AKAP8: variants seen among roughly 807,000 people sequenced by gnomAD.
AKAP8 encodes the protein A-kinase anchoring protein 8, also known as A-kinase anchor protein 8.
A neutral mutation model predicts 67.5 loss-of-function variants in AKAP8; 24 were observed. The ratio of observed to expected loss-of-function variants is 0.36; its 90% CI spans 0.26 to 0.50. The LOEUF (loss-of-function observed/expected upper bound fraction) is 0.50, where lower values mean the gene tolerates loss of function less well. Among genes scored for constraint, AKAP8 ranks in the 20% least tolerant of loss-of-function variants. AKAP8 has a pLI of 0.97. For missense variants in AKAP8, 971 were observed against 955.9 expected, an observed-to-expected ratio of 1.02 and a Z score of -0.21; for synonymous variants, 400 against 371.1, an observed-to-expected ratio of 1.08 and a Z score of -0.90.
At position 15,369,278 on chromosome 19, in the gene AKAP8, G is replaced by A. The variant is rs1029038863; in HGVS notation, c.1072+868C>T. On this transcript the variant is annotated intron_variant, in intron 8 of 13. Coordinates refer to ENST00000269701, the MANE Select transcript of AKAP8 (RefSeq NM_005858.4). The surrounding 1 kb of genome is among the most constrained non-coding windows in gnomAD (Gnocchi z 4.6). ...TTTAGCATTGTGCCGCTAAGCGCTC[G>A]GGGCGCCCCGTGCTATGGACAGGAC... 5.1e-6 allele frequency: 5 copies of A among 985,368 alleles called. No homozygotes were observed. Among genetic ancestry groups the A allele is most frequent in the Non-Finnish European group, 6.0e-6 (5 of 829,872 alleles). 61.0% of individuals were successfully genotyped at this position (985,368 alleles called of 1,614,324 possible). A position where few individuals can be genotyped will look rare whatever the true frequency, so the allele number is the denominator to read the frequency against.
At chr19:15,367,253 GGC>G (rs1967085816) in intron 9 of AKAP8, among the ~76,000 whole-genome samples, 1 of 152,162 alleles carries the variant, frequency 6.6e-6, no homozygotes, top group Non-Finnish European at 1.5e-5. Flanking sequence ...GCCCAGACTG[GGC>G]GCAGTGGCTC....
At position 15,358,960 on chromosome 19, in the gene AKAP8, C is replaced by T. The variant is rs376946349; in HGVS notation, c.1623+7G>A. 1.4e-5 allele frequency: 23 copies of T among 1,613,652 alleles called. No homozygotes were observed. In the African/African-American group the frequency reaches 2.3e-4, roughly 16 times the overall value. ...TTTTCCTGTCTGTGGTACTTGCAAG[C>T]ACAAACCTTGAGGTATTTTTCCAGC... On this transcript the variant is annotated splice_region_variant and intron_variant, in intron 13 of 13. Coordinates refer to ENST00000269701, the MANE Select transcript of AKAP8 (RefSeq NM_005858.4).
intron 10 of AKAP8, 105 bp from the exon 11 acceptor site, chr19:15,361,927 G>C: frequency 7.4e-7 from 1 of 1,354,668 alleles, no homozygotes; most frequent in African/African-American, 1.4e-5. Flanking sequence ...AGCTGCGTGG[G>C]GCAGCACAGC....
chr19:15,355,010 T>G lies in AKAP8; in HGVS notation c.1984A>C (p.Ser662Arg), dbSNP rs752498693. ...GCAGGAGCAACTCTGGTTTGGGCAC[T>G]TTCTGCCTCTGCTGCCATTGTCTCG... ...GAETMAAEAESAQTRVAPAPA... is the reference protein window; with the variant it reads ...GAETMAAEAERAQTRVAPAPA... The change falls in exon 14 of 14, where the codon AGT (serine) becomes CGT (arginine). Residue 662 changes from serine (S) to arginine (R), a missense_variant. Ser to Arg is a moderately radical substitution (Grantham distance 110, BLOSUM62 -1). Coordinates refer to ENST00000269701, the MANE Select transcript of AKAP8 (RefSeq NM_005858.4). 1.2e-6 allele frequency: 2 copies of G among 1,614,200 alleles called. No individual in the cohort carries two copies. The highest frequency in any genetic ancestry group is 2.2e-5 in the East Asian group (1 of 44,888).
Position 15,372,277 on chromosome 19 carries a change from T to A in AKAP8, c.932A>T (p.Tyr311Phe). The A allele has an allele frequency of 6.2e-7, 1 of 1,614,188 alleles. No individual in the cohort carries two copies. The highest frequency in any genetic ancestry group is 8.5e-7 in the Non-Finnish European group (1 of 1,180,046). ...GGCCAGTTTGGTGTCTGGCTCCTCGTAAAGTTGGAACTGCTTCCGTTTCCT... is the reference window on the plus strand; with the variant it reads ...GGCCAGTTTGGTGTCTGGCTCCTCGAAAAGTTGGAACTGCTTCCGTTTCCT... ...TGRKRKQFQL[Y>F]EEPDTKLARV... The change falls in exon 6 of 14, where the codon TAC (tyrosine) becomes TTC (phenylalanine). Residue 311 changes from tyrosine (Y) to phenylalanine (F), a missense_variant. Tyr to Phe is a conservative substitution (Grantham distance 22). Coordinates refer to ENST00000269701, the MANE Select transcript of AKAP8 (RefSeq NM_005858.4).
In AKAP8 at chr19:15,379,746, C is replaced by G; in HGVS notation, c.-15G>C. ...CCCTGGTCCATGTCTTCGACGCGGC[C>G]CACCAGCAGCCCCGTTTACTAGGCG... is the stretch of plus-strand genomic sequence containing the variant. On this transcript the variant is annotated 5_prime_UTR_variant, in exon 1 of 14. Coordinates refer to ENST00000269701, the MANE Select transcript of AKAP8 (RefSeq NM_005858.4). 1 of 1,611,184 alleles carries G rather than the reference C, an allele frequency of 6.2e-7. No individual in the cohort carries two copies. The highest frequency in any genetic ancestry group is 2.2e-5 in the East Asian group (1 of 44,572).
In AKAP8 at chr19:15,355,305, A is replaced by G. The variant is rs2048270998; in HGVS notation, c.1689T>C (p.Gly563=). Residue 563 remains glycine (G), a synonymous_variant, in exon 14 of 14, where the codon GGT becomes GGC. Coordinates refer to ENST00000269701, the MANE Select transcript of AKAP8 (RefSeq NM_005858.4). ...PEMEGDDNLG[G]EDKKETPEEV... is the part of the protein sequence containing the mutation. ...CCTCAGGTGTCTCTTTCTTATCCTC[A>G]CCTCCTAAATTGTCATCTCCTTCCA... 2.5e-6 allele frequency: 4 copies of G among 1,612,720 alleles called. No homozygotes were observed. Among genetic ancestry groups the G allele is most frequent in the Non-Finnish European group, 3.4e-6 (4 of 1,179,808 alleles).
At position 15,361,763 on chromosome 19, in the gene AKAP8, T is replaced by C. The variant is rs988770742; in HGVS notation, c.1362A>G (p.Lys454=). ...IEKRRQELME[K]ETAKPKPDPF... ...GATCTGGTTTTGGTTTTGCGGTTTC[T>C]TTCTCCATCAATTCCTGACGCCGCT... Residue 454 remains lysine, a synonymous_variant, in exon 11 of 14, where the codon AAA becomes AAG. Transcript: ENST00000269701. 1 of 1,614,136 alleles carries C rather than the reference T, an allele frequency of 6.2e-7. No homozygotes were observed. The highest frequency in any genetic ancestry group is 8.5e-7 in the Non-Finnish European group (1 of 1,179,948).
At chr19:15,361,373 CAG>C (rs1453252085) in intron 11 of AKAP8, 5 of 168,744 alleles carry the variant, frequency 3.0e-5, no homozygotes, top group African/African-American at 1.4e-4. Context: ...TTTTTTGAGA[CAG>C]AGTCTTGCTC....
intron 10 of AKAP8, 96 bp downstream of exon 10, chr19:15,362,014 G>A (rs1966974761): frequency 2.0e-6 from 3 of 1,523,328 alleles, no homozygotes; most frequent in East Asian, 2.3e-5. Context: ...GGAAACCTTG[G>A]CCAAGTATAG....
chr19:15,367,658 A>G (rs997828607), intron 9 of AKAP8, among the ~76,000 whole-genome samples: 5 of 152,242 alleles, frequency 3.3e-5, no homozygotes. Flanking sequence ...AGGGAGAGGC[A>G]GGCACATGGT....
At chr19:15,375,971 C>T (rs1171245953) in intron 2 of AKAP8, among the ~76,000 whole-genome samples, 5 of 150,964 alleles carry the variant, frequency 3.3e-5, no homozygotes, top group African/African-American at 1.2e-4. Flanking sequence ...TGCTCTGTCA[C>T]CCAGGCTGGA....
chr19:15,365,668 G>A (rs1967056417), intron 9 of AKAP8, among the ~76,000 whole-genome samples: 1 of 152,202 alleles, frequency 6.6e-6, no homozygotes, highest in South Asian at 2.1e-4. Context: ...CTACTGATGA[G>A]CTGTGTGCTT....
chr19:15,360,940 C>T lies in AKAP8; in HGVS notation c.1435G>A (p.Ala479Thr). 6.2e-7 allele frequency: 1 copy of T among 1,613,572 alleles called. No individual in the cohort carries two copies. The highest frequency in any genetic ancestry group is 8.5e-7 in the Non-Finnish European group (1 of 1,179,876). ...AGCATGTCGCAGGCCAGGCAGTGAG[C>T]AGCCTCGATCTTCTTGAAGAAGTGC... ...QEHFFKKIEA[A>T]HCLACDMLIP... Residue 479 changes from alanine (A) to threonine (T), a missense_variant, in exon 12 of 14, where the codon GCT (alanine) becomes ACT (threonine). Physicochemically the swap from Ala to Thr is moderately conservative, Grantham distance 58. This residue lies in a region of AKAP8 where 763 missense variants were observed against 745.4 expected (regional missense o/e 1.02). Coordinates refer to ENST00000269701, the MANE Select transcript of AKAP8 (RefSeq NM_005858.4).
Position 15,373,263 on chromosome 19 carries a change from T to C in AKAP8, c.449A>G (p.Tyr150Cys), listed in dbSNP as rs146125281. Residue 150 changes from tyrosine to cysteine, a missense_variant, in exon 5 of 14, where the codon TAC (tyrosine) becomes TGC (cysteine). Coordinates refer to ENST00000269701, the MANE Select transcript of AKAP8 (RefSeq NM_005858.4). ...LPEHNPYRPS[Y>C]SYDYEFDLGS... ...CAGGTCGAACTCATAGTCGTAGCTG[T>C]AGCTGGGGCGGTAGGGGTTGTGCTC... 93 of 1,613,932 alleles carry C rather than the reference T, an allele frequency of 5.8e-5. No homozygotes were observed. In the African/African-American group the frequency reaches 1.1e-3, roughly 19 times the overall value.
At position 15,354,888 on chromosome 19, in the gene AKAP8, G is replaced by A. The variant is rs774129123; in HGVS notation, c.*27C>T. On this transcript the variant is annotated 3_prime_UTR_variant, in exon 14 of 14. Transcript: ENST00000269701. Reference sequence around the variant, plus strand: ...AGACCAACGCATCCATCATCCCAACGCCTTCCCTGGAACAGGGAAATGAGC... The same window carrying A: ...AGACCAACGCATCCATCATCCCAACACCTTCCCTGGAACAGGGAAATGAGC... The A allele has an allele frequency of 7.5e-6, 12 of 1,606,664 alleles. No homozygotes were observed. The highest frequency in any genetic ancestry group is 1.6e-4 in the Middle Eastern group (1 of 6,070).
At chr19:15,366,403 G>T (rs1967071175) in intron 9 of AKAP8, among the ~76,000 whole-genome samples, 1 of 151,756 alleles carries the variant, frequency 6.6e-6, no homozygotes, top group African/African-American at 2.4e-5. Context: ...AATAACAAGG[G>T]TTTCAATGTT....
At chr19:15,372,463 A>G in intron 5 of AKAP8, 116 bp from the exon 6 acceptor site, 1 of 1,376,864 alleles carries the variant, frequency 7.3e-7, no homozygotes, top group South Asian at 1.4e-5. Context: ...TCTTTTCAAA[A>G]AGCAAAGAGA....
At position 15,360,273 on chromosome 19, in the gene AKAP8, C is replaced by G. The variant is rs1349284822; in HGVS notation, c.1527+575G>C. Among the ~76,000 whole-genome samples, 4 of 152,276 alleles carry G rather than the reference C, an allele frequency of 2.6e-5. No individual in the cohort carries two copies. The East Asian group carries it at 7.7e-4, about 29-fold the overall frequency. On this transcript the variant is annotated intron_variant, in intron 12 of 13. Transcript: ENST00000269701. The stretch of plus-strand genomic sequence containing the variant: ...GTAAACTAAGGAGAGAGCTGCTAAC[C>G]CAGGGCCAGAAAGTGACAGGCTGCA...
Sources: allele counts gnomAD v4.1 joint callset (sites outside exome capture counted in the v4.1 genomes callset), GRCh38; gene constraint gnomAD v4.1.1; regional missense constraint gnomAD v4.1.1; non-coding constraint Gnocchi (gnomAD v3.1); transcripts MANE v1.5; gene names NCBI Gene and HGNC (gene_info 2026-07-23, HGNC 2026-07-21).